The following FAM124A variants were observed in gnomAD, a reference collection of about 807,000 sequenced individuals.
The protein encoded by FAM124A is protein FAM124A.
A neutral mutation model predicts 24.5 loss-of-function variants in FAM124A; 23 were observed. The ratio of observed to expected loss-of-function variants is 0.94; its 90% CI spans 0.68 to 1.33. FAM124A has a LOEUF of 1.33. Among genes scored for constraint, FAM124A ranks in the 40% most tolerant of loss-of-function variants. The pLI, the probability that FAM124A is intolerant of heterozygous loss-of-function variation, is 0.00. For synonymous variants in FAM124A, 287 were observed against 314.7 expected (o/e 0.91, Z 0.93); for missense variants, 623 against 722.8 (o/e 0.86, Z 1.58).
Position 51,281,310 on chromosome 13 carries a change from C to G in FAM124A, c.*54C>G. 1.4e-6 allele frequency: 2 copies of G among 1,476,632 alleles called. No homozygotes were observed. Among genetic ancestry groups the G allele is most frequent in the Admixed American group, 2.2e-5 (1 of 45,930 alleles). The allele number at this position is 1,476,632 out of a possible 1,614,324, so 91.5% of individuals were successfully genotyped here. ...ACAAACTCAGAGACACAGACTCAGG[C>G]CCCACTGCCCCTCTGGCCACTGAGC... On this transcript the variant is annotated 3_prime_UTR_variant, in exon 4 of 4. Coordinates refer to ENST00000322475, the MANE Select transcript of FAM124A (RefSeq NM_001242312.2).
chr13:51,232,669 G>T (rs113677982), intron 2 of FAM124A, among the ~76,000 whole-genome samples: 4 of 152,136 alleles, frequency 2.6e-5, no homozygotes, highest in Admixed American at 6.5e-5. Flanking sequence ...TCAGAGATTT[G>T]CACTCATTCC....
chr13:51,276,057 T>G (rs1368643850), intron 3 of FAM124A, among the ~76,000 whole-genome samples: 42 of 152,140 alleles, frequency 2.8e-4, no homozygotes, highest in Admixed American at 2.7e-3. Context: ...AGCATGGTAG[T>G]TGTAAACTGC....
intron 2 of FAM124A, among the ~76,000 whole-genome samples, chr13:51,233,994 G>T (rs1954407861): frequency 6.6e-6 from 1 of 152,168 alleles, no homozygotes; most frequent in Admixed American, 6.5e-5. Flanking sequence ...CTGCCCTACA[G>T]TTGCATTGTC....
Position 51,282,976 on chromosome 13 carries a change from A to G in FAM124A, c.*1720A>G, listed in dbSNP as rs1371687706. 2.6e-5 allele frequency: 4 copies of G among 152,214 alleles called. No homozygotes were observed. Among genetic ancestry groups the G allele is most frequent in the Admixed American group, 1.3e-4 (2 of 15,280 alleles). The allele number at this position is 152,214 out of a possible 1,614,324, so 9.4% of individuals were successfully genotyped here. On this transcript the variant is annotated 3_prime_UTR_variant, in exon 4 of 4. Transcript: ENST00000322475. ...TCTCTTGCAGCTACTCAACTCTGCC[A>G]CTGTAGTATGAAAGCAGCCATGAGT...
intron 3 of FAM124A, among the ~76,000 whole-genome samples, chr13:51,267,676 T>A (rs1474786038): frequency 6.6e-6 from 1 of 152,222 alleles, no homozygotes; most frequent in Admixed American, 6.5e-5. Flanking sequence ...GTAATCTAGC[T>A]GTTTTAAGAG....
At chr13:51,229,530 T>C (rs1954352043) in intron 1 of FAM124A, among the ~76,000 whole-genome samples, 1 of 152,246 alleles carries the variant, frequency 6.6e-6, no homozygotes, top group Non-Finnish European at 1.5e-5. Flanking sequence ...TGCAGATCTT[T>C]AAAATGTATG....
At chr13:51,222,883 TTC>T (rs1954276144) in intron 1 of FAM124A, among the ~76,000 whole-genome samples, 1 of 152,200 alleles carries the variant, frequency 6.6e-6, no homozygotes, top group Admixed American at 6.5e-5. Context: ...TTGCACTTGT[TTC>T]CTCCTTCCTC....
intron 3 of FAM124A, among the ~76,000 whole-genome samples, chr13:51,263,444 C>G (rs1422527853): frequency 1.3e-5 from 2 of 152,248 alleles, no homozygotes; most frequent in Non-Finnish European, 2.9e-5. Flanking sequence ...CATTCCACAG[C>G]CCTGGCTGGA....
rs762645741 is a variant in FAM124A at position 51,251,786 on chromosome 13, T to TCCTGCCCTA, written c.428_436dup (p.Tyr143_Pro145dup). On this transcript the variant is annotated inframe_insertion, in exon 3 of 4. Transcript: ENST00000322475. This position sits in a 1 kb window ranked among gnomAD's most constrained non-coding sequence, Gnocchi z 5.3. ...CACACCGAGCAGGTGCACGGCCGGT[T>TCCTGCCCTA]CCTGCCCTACCTGCCCTGCAGCCAG... 1 of 1,590,934 alleles carries TCCTGCCCTA rather than the reference T, an allele frequency of 6.3e-7. No individual in the cohort carries two copies. Among genetic ancestry groups the TCCTGCCCTA allele is most frequent in the Non-Finnish European group, 8.6e-7 (1 of 1,169,238 alleles).
At chr13:51,223,740 A>G (rs958229243) in intron 1 of FAM124A, among the ~76,000 whole-genome samples, 3 of 152,178 alleles carry the variant, frequency 2.0e-5, no homozygotes, top group Non-Finnish European at 4.4e-5. Context: ...ACAGCACCCA[A>G]TTATAATCTG....
chr13:51,233,743 C>G (rs555886678), intron 2 of FAM124A, among the ~76,000 whole-genome samples: 3 of 152,078 alleles, frequency 2.0e-5, no homozygotes, highest in Non-Finnish European at 2.9e-5. Flanking sequence ...ATTTTAAAAC[C>G]TAAAGTCTTA....
chr13:51,245,556 A>G (rs1954550179), intron 2 of FAM124A: 2 of 453,622 alleles, frequency 4.4e-6, no homozygotes. Context: ...TTTTTGTTAA[A>G]AGCAAAATTC....
At chr13:51,266,591 G>A (rs763142241) in intron 3 of FAM124A, among the ~76,000 whole-genome samples, 12 of 152,168 alleles carry the variant, frequency 7.9e-5, no homozygotes, top group Non-Finnish European at 1.3e-4. Context: ...TTGTAAAAAT[G>A]TCTGTAAGTC....
At chr13:51,279,596 T>G (rs964475494) in intron 3 of FAM124A, among the ~76,000 whole-genome samples, 7 of 152,052 alleles carry the variant, frequency 4.6e-5, no homozygotes, top group Admixed American at 6.6e-5. Context: ...CTGGTGCAAA[T>G]GCGCATTGGA....
intron 3 of FAM124A, among the ~76,000 whole-genome samples, chr13:51,259,313 G>A (rs922399032): frequency 5.3e-5 from 8 of 152,020 alleles, no homozygotes; most frequent in African/African-American, 1.9e-4. Context: ...CTCCTGCCCA[G>A]AACCCTCCAG....
chr13:51,259,063 AG>A (rs1296561177), intron 3 of FAM124A, among the ~76,000 whole-genome samples: 1 of 152,282 alleles, frequency 6.6e-6, no homozygotes, highest in East Asian at 1.9e-4. Flanking sequence ...ACTCAGGAAC[AG>A]GCAAATCATG....
intron 1 of FAM124A, among the ~76,000 whole-genome samples, chr13:51,223,402 A>T (rs936505570): frequency 6.6e-6 from 1 of 152,052 alleles, no homozygotes; most frequent in Non-Finnish European, 1.5e-5. Flanking sequence ...CACCACATCC[A>T]GGCCGCGGGT....
chr13:51,261,958 C>G (rs966479697), intron 3 of FAM124A, among the ~76,000 whole-genome samples: 1 of 152,248 alleles, frequency 6.6e-6, no homozygotes, highest in Non-Finnish European at 1.5e-5. Flanking sequence ...CAGAGGGTCC[C>G]TGTGCCCCAA....
chr13:51,262,908 G>A (rs1954750928), intron 3 of FAM124A, among the ~76,000 whole-genome samples: 1 of 152,258 alleles, frequency 6.6e-6, no homozygotes, highest in Non-Finnish European at 1.5e-5. Flanking sequence ...GCTTTAAAAA[G>A]TTAGTGCCAC....
Sources: gnomAD v4.1 joint callset for allele counts (sites outside exome capture counted in the v4.1 genomes callset) on GRCh38, gnomAD v4.1.1 for gene constraint, Gnocchi (gnomAD v3.1) non-coding constraint, MANE v1.5 for transcripts, NCBI Gene and HGNC (gene_info 2026-07-23, HGNC 2026-07-21) for gene names.